Variants in CPPED1 observed in about 807,000 individuals in gnomAD.
The protein encoded by CPPED1 is serine/threonine-protein phosphatase CPPED1.
A neutral mutation model predicts 28.0 loss-of-function variants in CPPED1; 28 were observed. That is an observed-to-expected ratio of 1.00 (90% CI 0.74 to 1.37). The LOEUF is 1.37. CPPED1 is among the 40% of genes most tolerant of loss of function. CPPED1 has a pLI of 0.00. For synonymous variants in CPPED1, 198 were observed against 180.2 expected, an observed-to-expected ratio of 1.10 and a Z score of -0.79; for missense variants, 504 against 416.5, an observed-to-expected ratio of 1.21 and a Z score of -1.83.
At chr16:12,788,339 G>C (rs998392213) in intron 1 of CPPED1, among the ~76,000 whole-genome samples, 2 of 152,070 alleles carry the variant, frequency 1.3e-5, no homozygotes, top group African/African-American at 4.8e-5. Flanking sequence ...ATAAACCTGA[G>C]GGCTAGTCTC....
At chr16:12,684,622 C>T (rs993627953) in intron 3 of CPPED1, among the ~76,000 whole-genome samples, 12 of 152,214 alleles carry the variant, frequency 7.9e-5, no homozygotes, top group African/African-American at 2.4e-4. Context: ...GAAAACATCC[C>T]TGGTGAAGGT....
In CPPED1 at chr16:12,803,777, G is replaced by T; in HGVS notation, c.-1C>A. Reference sequence around the variant, plus strand: ...CACCCCCCGCCTCTGCAGCCGACATGGCGAGCGAGTTTCTGGCCTTCACTT... The same window carrying T: ...CACCCCCCGCCTCTGCAGCCGACATTGCGAGCGAGTTTCTGGCCTTCACTT... On this transcript the variant is annotated 5_prime_UTR_variant, in exon 1 of 4. Coordinates refer to ENST00000381774, the MANE Select transcript of CPPED1 (RefSeq NM_018340.3). 1 of 1,599,274 alleles carries T rather than the reference G, an allele frequency of 6.3e-7. No individual in the cohort carries two copies. Among genetic ancestry groups the T allele is most frequent in the Non-Finnish European group, 8.5e-7 (1 of 1,173,874 alleles).
At chr16:12,756,737 G>A (rs957793737) in intron 2 of CPPED1, among the ~76,000 whole-genome samples, 5 of 152,008 alleles carry the variant, frequency 3.3e-5, no homozygotes, top group African/African-American at 7.2e-5. Flanking sequence ...AACAGTGAGT[G>A]ATTCCCTTGA....
chr16:12,698,672 C>A (rs1422067004), intron 3 of CPPED1, among the ~76,000 whole-genome samples: 2 of 152,260 alleles, frequency 1.3e-5, no homozygotes, highest in East Asian at 3.9e-4. Flanking sequence ...TTCAAGTGAT[C>A]CACCCACCTC....
intron 2 of CPPED1, among the ~76,000 whole-genome samples, chr16:12,740,235 C>T (rs572069941): frequency 1.3e-5 from 2 of 151,934 alleles, no homozygotes; most frequent in Non-Finnish European, 2.9e-5. Flanking sequence ...TACCTGAGGT[C>T]AGGAGTTCAA....
In CPPED1 at chr16:12,704,856, C is replaced by G; in HGVS notation, c.483G>C (p.Leu161=). ...FSFWVGGVLF[L]VLNSQFYENP... ...TCTCGTAGAACTGGGAGTTGAGGACCAGGAACAGGACGCCCCCGACCCAGA... is the reference window on the plus strand; with the variant it reads ...TCTCGTAGAACTGGGAGTTGAGGACGAGGAACAGGACGCCCCCGACCCAGA... Residue 161 remains leucine (L), a synonymous_variant, in exon 3 of 4, where the codon CTG becomes CTC. Coordinates refer to ENST00000381774, the MANE Select transcript of CPPED1 (RefSeq NM_018340.3). 1.9e-6 allele frequency: 3 copies of G among 1,614,174 alleles called. No individual in the cohort carries two copies. The highest frequency in any genetic ancestry group is 2.5e-6 in the Non-Finnish European group (3 of 1,180,014).
intron 2 of CPPED1, chr16:12,757,635 G>C (rs980658455): frequency 6.5e-5 from 9 of 137,982 alleles, no homozygotes; most frequent in African/African-American, 2.1e-4. Context: ...AGGCACACTG[G>C]GGGCCTTAGC....
Position 12,759,651 on chromosome 16 carries a change from G to A in CPPED1, c.289+21534C>T, listed in dbSNP as rs1163599973. Among the ~76,000 whole-genome samples the A allele has an allele frequency of 4.6e-5, 7 of 152,254 alleles. No individual in the cohort carries two copies. In the East Asian group the frequency reaches 9.6e-4, roughly 21 times the overall value. On this transcript the variant is annotated intron_variant, in intron 2 of 3. Transcript: ENST00000381774. ...TGGGAAGTGATTGGATCATGGGGTC[G>A]GGGGGTGGTGTGGTTACCCCATGCT...
chr16:12,714,296 CTT>C (rs1229029820), intron 2 of CPPED1, among the ~76,000 whole-genome samples: 2 of 152,126 alleles, frequency 1.3e-5, no homozygotes, highest in Non-Finnish European at 2.9e-5. Context: ...TTTCATCTCT[CTT>C]GAGTGTATAC....
chr16:12,671,646 TAC>T (rs1460848909), intron 3 of CPPED1, among the ~76,000 whole-genome samples: 1 of 152,174 alleles, frequency 6.6e-6, no homozygotes, highest in Non-Finnish European at 1.5e-5. Flanking sequence ...GAGAAACAGC[TAC>T]AGTCACGTGC....
At position 12,705,389 on chromosome 16, in the gene CPPED1, G is replaced by T. The variant is rs574256850; in HGVS notation, c.290-340C>A. ...TGTAATACCAACACTTGGGGAGGCT[G>T]AGGTGGGAGGGATCACTTGAGCCCA... On this transcript the variant is annotated intron_variant, in intron 2 of 3. Coordinates refer to ENST00000381774, the MANE Select transcript of CPPED1 (RefSeq NM_018340.3). Among the ~76,000 whole-genome samples, 38 of 152,300 alleles carry T rather than the reference G, an allele frequency of 2.5e-4. 1 individual carries two copies. In the South Asian group the frequency reaches 7.7e-3, roughly 31 times the overall value.
chr16:12,767,274 T>C (rs1837002613), intron 2 of CPPED1, among the ~76,000 whole-genome samples: 1 of 152,142 alleles, frequency 6.6e-6, no homozygotes, highest in South Asian at 2.1e-4. Flanking sequence ...CAGGAGAAGG[T>C]AGACGTCTCA....
chr16:12,702,275 C>A (rs910946296), intron 3 of CPPED1, among the ~76,000 whole-genome samples: 43 of 151,826 alleles, frequency 2.8e-4, no homozygotes, highest in African/African-American at 1.0e-3. Flanking sequence ...AGAGCTCACA[C>A]CTGTAATTTA....
intron 3 of CPPED1, among the ~76,000 whole-genome samples, chr16:12,685,182 G>A (rs973296195): frequency 2.6e-5 from 4 of 152,194 alleles, no homozygotes; most frequent in Non-Finnish European, 4.4e-5. Flanking sequence ...CAGGTGCGGC[G>A]GCTCACGCCT....
intron 1 of CPPED1, among the ~76,000 whole-genome samples, chr16:12,800,886 G>T (rs2080655503): frequency 1.3e-5 from 2 of 151,944 alleles, no homozygotes; most frequent in Admixed American, 1.3e-4. Context: ...ATCAGACGAA[G>T]CAACACTTCC....
intron 2 of CPPED1, among the ~76,000 whole-genome samples, chr16:12,779,205 G>A (rs2080515260): frequency 6.6e-6 from 1 of 152,004 alleles, no homozygotes; most frequent in Non-Finnish European, 1.5e-5. Context: ...AGAAAAATTT[G>A]AAATCTTCTT....
intron 2 of CPPED1, among the ~76,000 whole-genome samples, chr16:12,747,354 C>T (rs1012988925): frequency 2.0e-5 from 3 of 151,808 alleles, no homozygotes; most frequent in African/African-American, 7.3e-5. Flanking sequence ...ATTGATTGAG[C>T]CTGACAGGGT....
chr16:12,785,452 A>C (rs544241952), intron 1 of CPPED1, among the ~76,000 whole-genome samples: 9 of 144,502 alleles, frequency 6.2e-5, no homozygotes, highest in African/African-American at 2.3e-4. Flanking sequence ...TTTTGAGACA[A>C]AGTTTCCCTC....
At chr16:12,666,365 T>G (rs1376066674) in intron 3 of CPPED1, among the ~76,000 whole-genome samples, 1 of 152,106 alleles carries the variant, frequency 6.6e-6, no homozygotes, top group African/African-American at 2.4e-5. Flanking sequence ...TCATAGAGAC[T>G]GAAAGCATTT....
Sources: gnomAD v4.1 joint callset for allele counts (sites outside exome capture counted in the v4.1 genomes callset) on GRCh38, gnomAD v4.1.1 for gene constraint, MANE v1.5 for transcripts, NCBI Gene and HGNC (gene_info 2026-07-23, HGNC 2026-07-21) for gene names.